Variants in RYR3 observed in about 807,000 individuals in gnomAD.
RYR3 encodes the protein brain ryanodine receptor-calcium release channel.
RYR3 carries 207 observed loss-of-function variants against 584.3 expected under a neutral mutation model. The ratio of observed to expected loss-of-function variants is 0.35; its 90% confidence interval spans 0.32 to 0.40. The LOEUF is 0.40. Ranked by LOEUF, RYR3 falls within the 10% of genes least tolerant of loss-of-function variation. The pLI is 1.00. For missense variants in RYR3, 5,616 were observed against 6,089.2 expected (o/e 0.92, Z 2.59); for synonymous variants, 2,416 against 2,248.5 (o/e 1.07, Z -2.11).
intron 1 of RYR3, among the ~76,000 whole-genome samples, chr15:33,316,415 G>A (rs956725897): frequency 6.6e-6 from 1 of 152,090 alleles, no homozygotes; most frequent in Non-Finnish European, 1.5e-5. Flanking sequence ...GGCGGTCCTA[G>A]GTCTTAGGAA....
intron 1 of RYR3, among the ~76,000 whole-genome samples, chr15:33,440,956 C>T (rs1178434249): frequency 2.0e-5 from 3 of 152,206 alleles, no homozygotes; most frequent in African/African-American, 7.2e-5. Context: ...GTAAGACTCT[C>T]ACTGGCTCTT....
intron 67 of RYR3, among the ~76,000 whole-genome samples, chr15:33,794,836 G>A (rs1427421348): frequency 1.3e-5 from 2 of 152,176 alleles, no homozygotes; most frequent in Admixed American, 6.5e-5. Flanking sequence ...CCTTGGCAGG[G>A]TTGTTAGAGG....
At chr15:33,605,496 C>G (rs984616614) in intron 18 of RYR3, among the ~76,000 whole-genome samples, 3 of 152,186 alleles carry the variant, frequency 2.0e-5, no homozygotes, top group Admixed American at 2.0e-4. Context: ...CTGATTGTGG[C>G]TCTCTGAAAT....
intron 2 of RYR3, among the ~76,000 whole-genome samples, chr15:33,476,680 A>C (rs2049409087): frequency 6.6e-6 from 1 of 152,178 alleles, no homozygotes; most frequent in Non-Finnish European, 1.5e-5. Context: ...AGTAGAATTA[A>C]TGGTGTCGGA....
intron 5 of RYR3, among the ~76,000 whole-genome samples, chr15:33,536,093 G>T (rs117202762): frequency 0.029 from 4,371 of 152,280 alleles, 72 homozygotes; most frequent in Non-Finnish European, 0.04. Flanking sequence ...TCTCCTCACT[G>T]CAGGAGGAGG....
chr15:33,711,615 A>T (rs2067130721), intron 43 of RYR3, among the ~76,000 whole-genome samples: 1 of 152,186 alleles, frequency 6.6e-6, no homozygotes, highest in Admixed American at 6.5e-5. Flanking sequence ...ATCACTCTCA[A>T]GTTCAAACTT....
chr15:33,463,380 T>C (rs1224720514), intron 1 of RYR3, among the ~76,000 whole-genome samples: 1 of 152,190 alleles, frequency 6.6e-6, no homozygotes, highest in East Asian at 1.9e-4. Flanking sequence ...TTGGGTGTGG[T>C]CACTCACCTG....
At chr15:33,697,047 C>T (rs1386282911) in intron 39 of RYR3, among the ~76,000 whole-genome samples, 1 of 152,174 alleles carries the variant, frequency 6.6e-6, no homozygotes, top group Non-Finnish European at 1.5e-5. Context: ...TTCTGTTTTG[C>T]AGATGAGAAC....
In RYR3 at chr15:33,844,983, T is replaced by C. The variant is rs1334573162; in HGVS notation, c.13418T>C (p.Met4473Thr). Residue 4473 changes from methionine (M) to threonine (T), a missense_variant, in exon 93 of 104, where the codon ATG becomes ACG. By Grantham distance (81) the Met-to-Thr change is moderately conservative. Around this residue, in one of 9 missense-constraint regions of RYR3, gnomAD observed 918 missense variants for 887.4 expected, o/e 1.03. Coordinates refer to ENST00000634891, the MANE Select transcript of RYR3 (RefSeq NM_001036.6). ...GTCCTTCAGGAGAGCACCGGGTATATGGCACCAACCCTGCGTGCCCTGGCC... is the reference window on the plus strand; with the variant it reads ...GTCCTTCAGGAGAGCACCGGGTATACGGCACCAACCCTGCGTGCCCTGGCC... Reference protein sequence around the residue: ...FFVLQESTGYMAPTLRALAII... With the variant: ...FFVLQESTGYTAPTLRALAII... 6.2e-7 allele frequency: 1 copy of C among 1,613,998 alleles called. No homozygotes were observed. The highest frequency in any genetic ancestry group is 8.5e-7 in the Non-Finnish European group (1 of 1,179,870).
At position 33,584,129 on chromosome 15, in the gene RYR3, T is replaced by C. The variant is rs374328948; in HGVS notation, c.1574-266T>C. Reference sequence around the variant, plus strand: ...GGTGCATGCCTGTAGTCTCAGCTACTCTGGAGGCTGAGGCGAGAGGATCAC... The same window carrying C: ...GGTGCATGCCTGTAGTCTCAGCTACCCTGGAGGCTGAGGCGAGAGGATCAC... On this transcript the variant is annotated intron_variant, in intron 14 of 103. Coordinates refer to ENST00000634891, the MANE Select transcript of RYR3 (RefSeq NM_001036.6). Among the ~76,000 whole-genome samples the C allele has an allele frequency of 6.6e-5, 10 of 152,186 alleles. 1 individual carries two copies. The highest frequency in any genetic ancestry group is 2.4e-4 in the African/African-American group (10 of 41,514).
At chr15:33,794,461 A>G (rs1476378673) in intron 67 of RYR3, among the ~76,000 whole-genome samples, 6 of 150,860 alleles carry the variant, frequency 4.0e-5, no homozygotes, top group African/African-American at 7.3e-5. Flanking sequence ...GTCATTTCCC[A>G]TATCATAATA....
intron 10 of RYR3, among the ~76,000 whole-genome samples, chr15:33,554,164 C>G (rs1343379176): frequency 6.6e-6 from 1 of 152,170 alleles, no homozygotes; most frequent in African/African-American, 2.4e-5. Flanking sequence ...ACACATACCC[C>G]ACCCTGCTTT....
chr15:33,367,896 C>T (rs1351417401), intron 1 of RYR3, among the ~76,000 whole-genome samples: 1 of 152,126 alleles, frequency 6.6e-6, no homozygotes, highest in South Asian at 2.1e-4. Flanking sequence ...GCAGAGATAA[C>T]TTACTTACAT....
chr15:33,646,501 C>T lies in RYR3; in HGVS notation c.3916C>T (p.Leu1306=), dbSNP rs1396287727. The change falls in exon 29 of 104, where the codon CTG becomes TTG. Residue 1306 remains leucine, a synonymous_variant. Coordinates refer to ENST00000634891, the MANE Select transcript of RYR3 (RefSeq NM_001036.6). The stretch of plus-strand genomic sequence containing the variant: ...CTCCTCCTTCAGCCACAGCCCCTGT[C>T]TGGACAGTGAAGCTTTCCAGAAAAG... ...CHSSFSHSPC[L]DSEAFQKRKQ... 6.2e-7 allele frequency: 1 copy of T among 1,613,090 alleles called. No individual in the cohort carries two copies. The highest frequency in any genetic ancestry group is 1.3e-5 in the African/African-American group (1 of 75,044).
At position 33,406,867 on chromosome 15, in the gene RYR3, A is replaced by ATCCCCTTTCTTG. The variant is rs1243627898; in HGVS notation, c.52-66551_52-66550insCCCCTTTCTTGT. On this transcript the variant is annotated intron_variant, in intron 1 of 103. Coordinates refer to ENST00000634891, the MANE Select transcript of RYR3 (RefSeq NM_001036.6). ...ACCTGAATTGAGTGTTTATTCAGAT[A>ATCCCCTTTCTTG]TATACAAGAAAGGGGATATCTTATT... Among the ~76,000 whole-genome samples, 497 of 152,366 alleles carry ATCCCCTTTCTTG rather than the reference A, an allele frequency of 3.3e-3. 1 individual carries two copies. The highest frequency in any genetic ancestry group is 0.012 in the African/African-American group (479 of 41,588).
intron 45 of RYR3, among the ~76,000 whole-genome samples, chr15:33,724,480 A>T (rs2068194470): frequency 6.6e-6 from 1 of 152,088 alleles, no homozygotes. Context: ...TCAAAATGGG[A>T]GCAACTTGAT....
Position 33,626,055 on chromosome 15 carries a change from A to G in RYR3, c.2574+2032A>G, listed in dbSNP as rs565904247. 5.3e-5 allele frequency among the ~76,000 whole-genome samples: 8 copies of G among 152,344 alleles called. No individual in the cohort carries two copies. The East Asian group carries it at 1.3e-3, about 26-fold the overall frequency. ...ATGGATGCAGGGCTGCTGGTGCCCA[A>G]GCAGGCAGAGAGTAGAAGCATGAGT... On this transcript the variant is annotated intron_variant, in intron 20 of 103. Transcript: ENST00000634891.
chr15:33,803,603 C>T (rs565701730), intron 69 of RYR3, among the ~76,000 whole-genome samples: 1 of 152,242 alleles, frequency 6.6e-6, no homozygotes, highest in African/African-American at 2.4e-5. Context: ...GTGAGCTCTG[C>T]CTCCCAGATT....
At chr15:33,755,329 A>C (rs1304384228) in intron 58 of RYR3, 149 bp downstream of exon 58, 2 of 636,012 alleles carry the variant, frequency 3.1e-6, no homozygotes. Context: ...AACTTAAAAA[A>C]AATCAATCCG....
Sources: allele counts gnomAD v4.1 joint callset (sites outside exome capture counted in the v4.1 genomes callset), GRCh38; gene constraint gnomAD v4.1.1; regional missense constraint gnomAD v4.1.1; transcripts MANE v1.5; gene names NCBI Gene and HGNC (gene_info 2026-07-23, HGNC 2026-07-21).